RIN2: variants seen among roughly 807,000 people sequenced by gnomAD.
RIN2 encodes the protein RAB5 interacting protein 2.
Under a neutral mutation model 78.0 loss-of-function variants are expected in RIN2, and 36 were observed. That is an observed-to-expected ratio of 0.46 (90% CI 0.35 to 0.61). The LOEUF (loss-of-function observed/expected upper bound fraction) is 0.61. Ranked by LOEUF, RIN2 falls within the 20% of genes least tolerant of loss-of-function variation. RIN2 has a pLI of 0.00. For missense variants in RIN2, 1,087 were observed against 1,159.7 expected, an observed-to-expected ratio of 0.94 and a Z score of 0.91; for synonymous variants, 466 against 466.8, an observed-to-expected ratio of 1.00 and a Z score of 0.02.
chr20:19,878,391 T>A (rs182142355), intron 2 of RIN2, among the ~76,000 whole-genome samples: 23 of 152,182 alleles, frequency 1.5e-4, no homozygotes, highest in African/African-American at 5.5e-4. Flanking sequence ...CACTTGGACA[T>A]GAAGGATGGG....
intron 8 of RIN2, among the ~76,000 whole-genome samples, chr20:19,972,060 CTGT>C (rs1343935787): frequency 1.3e-5 from 2 of 152,046 alleles, no homozygotes; most frequent in Non-Finnish European, 2.9e-5. Flanking sequence ...TAGATTGTAT[CTGT>C]AGAAGGATTG....
At chr20:19,961,934 A>C (rs547967827) in intron 6 of RIN2, among the ~76,000 whole-genome samples, 46 of 152,310 alleles carry the variant, frequency 3.0e-4, no homozygotes, top group Middle Eastern at 6.8e-3. Flanking sequence ...TATTGAGCTA[A>C]TAATGTGTTA....
chr20:19,924,405 C>T (rs1467284116), intron 3 of RIN2, among the ~76,000 whole-genome samples: 1 of 68,456 alleles, frequency 1.5e-5, no homozygotes, highest in Non-Finnish European at 2.8e-5. Context: ...CTTCATACCC[C>T]ACCTCTTCAT....
At chr20:19,793,089 C>T (rs1486433436) in intron 1 of RIN2, among the ~76,000 whole-genome samples, 5 of 152,050 alleles carry the variant, frequency 3.3e-5, no homozygotes, top group African/African-American at 1.2e-4. Context: ...TTCCATCAGG[C>T]AGCACTGTCC....
intron 3 of RIN2, among the ~76,000 whole-genome samples, chr20:19,928,894 G>A (rs1293225361): frequency 6.6e-6 from 1 of 152,142 alleles, no homozygotes; most frequent in Non-Finnish European, 1.5e-5. Context: ...TGCTGTACAT[G>A]CCTGCAGGGA....
chr20:19,800,723 C>T lies in RIN2; in HGVS notation c.-37+976C>T, dbSNP rs577822471. 1.2e-4 allele frequency among the ~76,000 whole-genome samples: 19 copies of T among 152,360 alleles called. No individual in the cohort carries two copies. The East Asian group carries it at 3.7e-3, about 29-fold the overall frequency. On this transcript the variant is annotated intron_variant, in intron 2 of 12. Transcript: ENST00000255006. Reference sequence around the variant, plus strand: ...ATAAGCTGTCCCTGCTAAACCATCCCTGCTGATCCCTGCTCCTATAGCAGA... The same window carrying T: ...ATAAGCTGTCCCTGCTAAACCATCCTTGCTGATCCCTGCTCCTATAGCAGA...
intron 3 of RIN2, among the ~76,000 whole-genome samples, chr20:19,931,179 C>T (rs2040425156): frequency 6.6e-6 from 1 of 152,174 alleles, no homozygotes; most frequent in Admixed American, 6.5e-5. Context: ...TAACCACTAT[C>T]CTGGATTAGG....
intron 2 of RIN2, among the ~76,000 whole-genome samples, chr20:19,840,670 G>A (rs375191659): frequency 6.6e-6 from 1 of 152,086 alleles, no homozygotes; most frequent in South Asian, 2.1e-4. Context: ...TTGAAGTGCT[G>A]GGAGAACATC....
intron 9 of RIN2, among the ~76,000 whole-genome samples, chr20:19,983,481 A>G (rs968619246): frequency 6.6e-5 from 10 of 152,188 alleles, no homozygotes; most frequent in Admixed American, 6.5e-4. Flanking sequence ...GTGCTCAAAT[A>G]AATGCCCAAT....
Position 19,940,917 on chromosome 20 carries a change from C to T in RIN2, c.158+5718C>T, listed in dbSNP as rs148214621. ...ACAACCTCCCCAGCTATTGTCTGGG[C>T]CCAGGCTGCCTCTGCAGGATCCCTG... On this transcript the variant is annotated intron_variant, in intron 4 of 12. Transcript: ENST00000255006. Among the ~76,000 whole-genome samples the T allele has an allele frequency of 2.0e-5, 3 of 152,318 alleles. No individual in the cohort carries two copies. The East Asian group carries it at 5.8e-4, about 29-fold the overall frequency.
chr20:19,968,433 G>A (rs11699531), intron 7 of RIN2, among the ~76,000 whole-genome samples: 1 of 152,310 alleles, frequency 6.6e-6, no homozygotes, highest in Middle Eastern at 3.4e-3. Context: ...ATGTAAGTGA[G>A]AAGGCGTCCC....
chr20:19,954,650 G>T (rs921438690), intron 4 of RIN2, among the ~76,000 whole-genome samples: 8 of 152,074 alleles, frequency 5.3e-5, no homozygotes, highest in African/African-American at 1.9e-4. Flanking sequence ...GAGAATGTAG[G>T]TAAAGGGCTT....
intron 9 of RIN2, among the ~76,000 whole-genome samples, chr20:19,983,202 C>T (rs1169274134): frequency 6.6e-6 from 1 of 152,224 alleles, no homozygotes; most frequent in Non-Finnish European, 1.5e-5. Context: ...TCCAATAATA[C>T]AGCCAAAGGA....
chr20:19,890,677 T>TA (rs2038407848), intron 3 of RIN2, among the ~76,000 whole-genome samples: 1 of 7,608 alleles, frequency 1.3e-4, no homozygotes, highest in Non-Finnish European at 2.3e-4. Flanking sequence ...CTGTTGACTC[T>TA]ACAAAAAAAA....
At chr20:19,955,941 G>C (rs1600935218) in intron 4 of RIN2, among the ~76,000 whole-genome samples, 1 of 152,186 alleles carries the variant, frequency 6.6e-6, no homozygotes, top group East Asian at 1.9e-4. Context: ...TCGCATTTAG[G>C]GTTCTGTCCT....
In RIN2 at chr20:19,950,935, G is replaced by A. The variant is rs564284906; in HGVS notation, c.159-5680G>A. On this transcript the variant is annotated intron_variant, in intron 4 of 12. Coordinates refer to ENST00000255006, the MANE Select transcript of RIN2 (RefSeq NM_018993.4). ...GACAGAGTCTAACTCTGTCACCCCC[G>A]CTGAAGTGCAGTGGTGCCATCTCAG... Among the ~76,000 whole-genome samples, 4 of 143,556 alleles carry A rather than the reference G, an allele frequency of 2.8e-5. No individual in the cohort carries two copies. The South Asian group carries it at 6.8e-4, about 25-fold the overall frequency. The allele number at this position is 143,556 out of a possible 152,430, so 94.2% of individuals were successfully genotyped here.
chr20:19,866,546 A>G (rs2037512795), intron 2 of RIN2, among the ~76,000 whole-genome samples: 1 of 152,220 alleles, frequency 6.6e-6, no homozygotes. Flanking sequence ...ATAGCCATAT[A>G]TGCTTTTTAT....
At chr20:19,893,024 C>T (rs1434985904) in intron 3 of RIN2, among the ~76,000 whole-genome samples, 4 of 152,106 alleles carry the variant, frequency 2.6e-5, no homozygotes, top group Admixed American at 2.6e-4. Flanking sequence ...AGTCTGGTAG[C>T]AAATAAAGAT....
At chr20:19,780,272 A>G (rs557774746) in intron 1 of RIN2, among the ~76,000 whole-genome samples, 10 of 152,366 alleles carry the variant, frequency 6.6e-5, no homozygotes, top group African/African-American at 2.2e-4. Context: ...CAAGGGAATA[A>G]TCATGACCTA....
Sources: gnomAD v4.1 joint callset for allele counts (sites outside exome capture counted in the v4.1 genomes callset) on GRCh38, gnomAD v4.1.1 for gene constraint, MANE v1.5 for transcripts, NCBI Gene and HGNC (gene_info 2026-07-23, HGNC 2026-07-21) for gene names.